SERGEF: variants seen among roughly 807,000 people sequenced by gnomAD.
SERGEF encodes secretion regulating guanine nucleotide exchange factor, also known as secretion-regulating guanine nucleotide exchange factor.
A neutral mutation model predicts 50.0 loss-of-function variants in SERGEF; 51 were observed. The observed-to-expected ratio is 1.02, with a 90% CI of 0.81 to 1.29. SERGEF has a LOEUF of 1.29. SERGEF is among the 50% of genes most tolerant of loss of function. The pLI, the probability that SERGEF is intolerant of heterozygous loss-of-function variation, is 0.00. For synonymous variants in SERGEF, 205 were observed against 212.4 expected (o/e 0.97, Z 0.30); for missense variants, 521 against 557.0 (o/e 0.94, Z 0.65).
chr11:17,995,495 C>T (rs910824857), intron 6 of SERGEF, among the ~76,000 whole-genome samples: 1 of 152,186 alleles, frequency 6.6e-6, no homozygotes, highest in African/African-American at 2.4e-5. Context: ...AATATATAGT[C>T]ATAGTGAGCC....
chr11:17,794,857 A>G (rs1316985708), intron 10 of SERGEF, among the ~76,000 whole-genome samples: 1 of 152,174 alleles, frequency 6.6e-6, no homozygotes, highest in African/African-American at 2.4e-5. Flanking sequence ...CAGTCCACCT[A>G]TGGGAACGCA....
At chr11:17,792,867 C>T (rs1426431387) in intron 10 of SERGEF, among the ~76,000 whole-genome samples, 1 of 152,120 alleles carries the variant, frequency 6.6e-6, no homozygotes, top group East Asian at 1.9e-4. Flanking sequence ...GTTTGAGGGC[C>T]ATGTTAGGTC....
In SERGEF at chr11:17,900,861, CA is replaced by C. The variant is rs371294109; in HGVS notation, c.1012-22618del. On this transcript the variant is annotated intron_variant, in intron 9 of 10. Transcript: ENST00000265965. ...ACTACTTGAGAGTTTCACTCAGCCACATTGTAAAAGGAGCCAAAAGTTTGCT... is the reference window on the plus strand; with the variant it reads ...ACTACTTGAGAGTTTCACTCAGCCACTTGTAAAAGGAGCCAAAAGTTTGCT... Among the ~76,000 whole-genome samples the C allele has an allele frequency of 1.2e-3, 183 of 152,238 alleles. 1 individual carries two copies. The highest frequency in any genetic ancestry group is 4.2e-3 in the African/African-American group (175 of 41,526).
intron 10 of SERGEF, among the ~76,000 whole-genome samples, chr11:17,790,922 A>G (rs548605119): frequency 1.3e-5 from 2 of 152,188 alleles, no homozygotes; most frequent in African/African-American, 4.8e-5. Flanking sequence ...TGAATTGTCT[A>G]TATACATTCT....
intron 8 of SERGEF, among the ~76,000 whole-genome samples, chr11:17,961,657 C>T (rs1458366488): frequency 6.6e-6 from 1 of 152,178 alleles, no homozygotes. Flanking sequence ...ACTTACAGAG[C>T]ACTTTTCACC....
intron 9 of SERGEF, among the ~76,000 whole-genome samples, chr11:17,889,218 A>C (rs1324929938): frequency 1.3e-5 from 2 of 152,236 alleles, no homozygotes; most frequent in Non-Finnish European, 2.9e-5. Context: ...GTATTCACAT[A>C]GTCTTAAAGT....
chr11:17,808,557 C>G (rs888207097), intron 10 of SERGEF, among the ~76,000 whole-genome samples: 1 of 152,182 alleles, frequency 6.6e-6, no homozygotes, highest in Non-Finnish European at 1.5e-5. Flanking sequence ...CAACAGGCCC[C>G]ACCTCCAACA....
rs186299199 is a variant in SERGEF at position 17,811,564 on chromosome 11, G to A, written c.1049-23151C>T. 6.6e-4 allele frequency among the ~76,000 whole-genome samples: 100 copies of A among 152,322 alleles called. 1 individual carries two copies. Among genetic ancestry groups the A allele is most frequent in the Admixed American group, 1.5e-3 (23 of 15,298 alleles). ...CAGACATGCTGCATCTAGGCTCAGC[G>A]TGGAGGAAGAAAGACAGGACAGACA... On this transcript the variant is annotated intron_variant, in intron 10 of 10. Coordinates refer to ENST00000265965, the MANE Select transcript of SERGEF (RefSeq NM_012139.4).
intron 10 of SERGEF, among the ~76,000 whole-genome samples, chr11:17,857,707 T>A (rs1029659443): frequency 1.3e-5 from 2 of 152,218 alleles, no homozygotes; most frequent in African/African-American, 4.8e-5. Flanking sequence ...GTGGCTTCCC[T>A]TCTGTCATAC....
At chr11:17,876,598 C>A (rs1358276213) in intron 10 of SERGEF, among the ~76,000 whole-genome samples, 4 of 152,212 alleles carry the variant, frequency 2.6e-5, no homozygotes, top group African/African-American at 7.2e-5. Context: ...GAGATGGAGC[C>A]AGTTTGAACC....
At chr11:17,846,551 C>A in intron 10 of SERGEF, 5 of 374,578 alleles carry the variant, frequency 1.3e-5, no homozygotes, top group Non-Finnish European at 2.7e-5. Flanking sequence ...TTGAACAAAA[C>A]GGGGCAGAGG....
rs114606870 is a variant in SERGEF at position 17,984,346 on chromosome 11, T to C, written c.844+4251A>G. Among the ~76,000 whole-genome samples, 1,157 of 152,184 alleles carry C rather than the reference T, an allele frequency of 7.6e-3. 12 individuals carry two copies. Among genetic ancestry groups the C allele is most frequent in the African/African-American group, 0.027 (1,101 of 41,524 alleles). Reference sequence around the variant, plus strand: ...TCATGGTGGAAGAGGAAGCGGGAGCTTGGACATCATCTGACAAGAGCAGGC... The same window carrying C: ...TCATGGTGGAAGAGGAAGCGGGAGCCTGGACATCATCTGACAAGAGCAGGC... On this transcript the variant is annotated intron_variant, in intron 8 of 10. Coordinates refer to ENST00000265965, the MANE Select transcript of SERGEF (RefSeq NM_012139.4).
intron 1 of SERGEF, among the ~76,000 whole-genome samples, chr11:18,010,612 C>T (rs1053892321): frequency 8.5e-5 from 13 of 152,124 alleles, no homozygotes; most frequent in Admixed American, 3.3e-4. Flanking sequence ...AAAGAGCATC[C>T]CCATATCACT....
At chr11:17,836,292 C>A (rs1237063617) in intron 10 of SERGEF, among the ~76,000 whole-genome samples, 13 of 152,176 alleles carry the variant, frequency 8.5e-5, no homozygotes, top group Admixed American at 8.5e-4. Flanking sequence ...GGACCAATGT[C>A]CATTGGGCAA....
chr11:17,838,019 C>T (rs1350864077), intron 10 of SERGEF, among the ~76,000 whole-genome samples: 2 of 152,164 alleles, frequency 1.3e-5, no homozygotes, highest in African/African-American at 4.8e-5. Flanking sequence ...TTGATACAAT[C>T]ACCAAATAGA....
In SERGEF at chr11:17,830,685, A is replaced by AGAGAGAGAGAGAGAGAGAGC. The variant is rs540825238; in HGVS notation, c.1049-42273_1049-42272insGCTCTCTCTCTCTCTCTCTC. On this transcript the variant is annotated intron_variant, in intron 10 of 10. Transcript: ENST00000265965. Reference sequence around the variant, plus strand: ...GAGAGAGAGAGAGAGAGAGAGAGAGAGAGCACATGTACATGCAAGAGTAAG... The same window carrying AGAGAGAGAGAGAGAGAGAGC: ...GAGAGAGAGAGAGAGAGAGAGAGAGAGAGAGAGAGAGAGAGAGAGCGAGCACATGTACATGCAAGAGTAAG... 7.5e-4 allele frequency among the ~76,000 whole-genome samples: 89 copies of AGAGAGAGAGAGAGAGAGAGC among 118,990 alleles called. 11 individuals are homozygous for AGAGAGAGAGAGAGAGAGAGC. The highest frequency in any genetic ancestry group is 2.4e-3 in the East Asian group (7 of 2,906). 78.1% of individuals were successfully genotyped at this position (118,990 alleles called of 152,430 possible). A position where few individuals can be genotyped will look rare whatever the true frequency, so the allele number is the denominator to read the frequency against.
chr11:18,011,417 G>C (rs1854193190), intron 1 of SERGEF, among the ~76,000 whole-genome samples: 2 of 152,212 alleles, frequency 1.3e-5, no homozygotes, highest in Non-Finnish European at 2.9e-5. Flanking sequence ...AGCCATGTGA[G>C]GACACAGTGA....
chr11:17,835,353 T>A (rs1850380745), intron 10 of SERGEF, among the ~76,000 whole-genome samples: 1 of 152,120 alleles, frequency 6.6e-6, no homozygotes, highest in South Asian at 2.1e-4. Flanking sequence ...ACAGAGCACA[T>A]CCTCATAGCC....
intron 9 of SERGEF, among the ~76,000 whole-genome samples, chr11:17,931,477 C>A (rs948341895): frequency 2.0e-5 from 3 of 152,164 alleles, no homozygotes; most frequent in Non-Finnish European, 2.9e-5. Flanking sequence ...CAAACACATA[C>A]CCAACATTCA....
Sources: gnomAD v4.1 joint callset for allele counts (sites outside exome capture counted in the v4.1 genomes callset) on GRCh38, gnomAD v4.1.1 for gene constraint, MANE v1.5 for transcripts, NCBI Gene and HGNC (gene_info 2026-07-23, HGNC 2026-07-21) for gene names.